SLC1A2: variants seen among roughly 807,000 people sequenced by gnomAD.
SLC1A2 encodes the protein solute carrier family 1 member 2.
Under a neutral mutation model 48.8 loss-of-function variants are expected in SLC1A2, and 15 were observed. That is an observed-to-expected ratio of 0.31 (90% confidence interval 0.21 to 0.47). The LOEUF is 0.47. SLC1A2 is among the 20% of genes least tolerant of loss of function. SLC1A2 has a pLI of 0.99. For synonymous variants in SLC1A2, 279 were observed against 272.6 expected, an observed-to-expected ratio of 1.02 and a Z score of -0.23; for missense variants, 502 against 730.5, an observed-to-expected ratio of 0.69 and a Z score of 3.61.
rs1490623090 is a variant in SLC1A2, at chr11:35,419,233, C to T, written c.-267G>A. The T allele has an allele frequency of 1.2e-5, 5 of 410,494 alleles. No individual in the cohort carries two copies. The highest frequency in any genetic ancestry group is 1.7e-5 in the Non-Finnish European group (4 of 233,260). 25.4% of individuals were successfully genotyped at this position (410,494 alleles called of 1,614,324 possible). ...GGGGATGGCGCTTGGCGGGGAGCTCCGGGGGCTCCGAGGGTGGCTTCCCCG... is the reference window on the plus strand; with the variant it reads ...GGGGATGGCGCTTGGCGGGGAGCTCTGGGGGCTCCGAGGGTGGCTTCCCCG... On this transcript the variant is annotated 5_prime_UTR_variant, in exon 1 of 11. Transcript: ENST00000278379. This position sits in a 1 kb window ranked among gnomAD's most constrained non-coding sequence, Gnocchi z 5.4.
At position 35,323,201 on chromosome 11, in the gene SLC1A2, C is replaced by T. The variant is rs561125107; in HGVS notation, c.18-5685G>A. 6.6e-5 allele frequency: 14 copies of T among 211,714 alleles called. No homozygotes were observed. In the East Asian group the frequency reaches 6.8e-4, roughly 10 times the overall value. The allele number at this position is 211,714 out of a possible 1,614,324, so 13.1% of individuals were successfully genotyped here. A position where few individuals can be genotyped will look rare whatever the true frequency, so the allele number is the denominator to read the frequency against. On this transcript the variant is annotated intron_variant, in intron 1 of 10. Transcript: ENST00000278379. ...TTTCTATAGCTTCTTCCAGTCCATT[C>T]GAGGGGCTGGTTAAAGAATACAGTG... is the stretch of plus-strand genomic sequence containing the variant.
intron 9 of SLC1A2, among the ~76,000 whole-genome samples, chr11:35,277,844 C>T (rs1850490826): frequency 6.6e-6 from 1 of 152,236 alleles, no homozygotes; most frequent in South Asian, 2.1e-4. Flanking sequence ...TGAGCTGCTA[C>T]TATTTGCTCT....
At chr11:35,339,052 C>T (rs976491743) in intron 1 of SLC1A2, among the ~76,000 whole-genome samples, 1 of 152,194 alleles carries the variant, frequency 6.6e-6, no homozygotes, top group Non-Finnish European at 1.5e-5. Context: ...TTGTTTTCTA[C>T]TTATGACTGT....
At chr11:35,314,785 C>CTTTTTTTTTTTTTTTT (rs5791048) in intron 3 of SLC1A2, among the ~76,000 whole-genome samples, 1 of 141,048 alleles carries the variant, frequency 7.1e-6, no homozygotes, top group Non-Finnish European at 1.5e-5. Context: ...CTTTTCTTTT[C>CTTTTTTTTTTTTTTTT]TTTTTTTTTT....
Position 35,378,655 on chromosome 11 carries a change from C to T in SLC1A2, c.17+40295G>A, listed in dbSNP as rs138077937. On this transcript the variant is annotated intron_variant, in intron 1 of 10. Coordinates refer to ENST00000278379, the MANE Select transcript of SLC1A2 (RefSeq NM_004171.4). ...AATAAGTCTGCCTGTAACTGAAGCTCTCAATTGGATTGATAAGTCTTGTGC... is the reference window on the plus strand; with the variant it reads ...AATAAGTCTGCCTGTAACTGAAGCTTTCAATTGGATTGATAAGTCTTGTGC... 8.9e-4 allele frequency among the ~76,000 whole-genome samples: 136 copies of T among 152,326 alleles called. 3 individuals are homozygous for T. The East Asian group carries it at 0.02, about 22-fold the overall frequency.
At position 35,384,376 on chromosome 11, in the gene SLC1A2, C is replaced by T. The variant is rs1327450254; in HGVS notation, c.17+34574G>A. ...TCCACGCAGGTTGCTCCTGGATTGT[C>T]TGAGTTCTGATTTCATCCTTTAATC... is the stretch of plus-strand genomic sequence containing the variant. On this transcript the variant is annotated intron_variant, in intron 1 of 10. Transcript: ENST00000278379. Among the ~76,000 whole-genome samples, 3 of 152,010 alleles carry T rather than the reference C, an allele frequency of 2.0e-5. No individual in the cohort carries two copies. In the South Asian group the frequency reaches 6.2e-4, roughly 31 times the overall value.
At chr11:35,303,055 C>T in intron 5 of SLC1A2, among the ~76,000 whole-genome samples, 1 of 151,826 alleles carries the variant, frequency 6.6e-6, no homozygotes, top group African/African-American at 2.4e-5. Flanking sequence ...CTCAATTTGG[C>T]AGTCCTAATT....
chr11:35,274,173 G>A (rs1197536599), intron 9 of SLC1A2, among the ~76,000 whole-genome samples: 1 of 152,238 alleles, frequency 6.6e-6, no homozygotes, highest in Non-Finnish European at 1.5e-5. Flanking sequence ...CGATGAAGGG[G>A]AGACGACTTC....
chr11:35,321,417 G>A (rs1273574975), intron 1 of SLC1A2, among the ~76,000 whole-genome samples: 1 of 152,118 alleles, frequency 6.6e-6, no homozygotes, highest in Non-Finnish European at 1.5e-5. Context: ...TAGAAGAAAT[G>A]AGGGGTTTCT....
intron 1 of SLC1A2, among the ~76,000 whole-genome samples, chr11:35,362,333 T>C (rs1018297050): frequency 6.6e-6 from 1 of 152,226 alleles, no homozygotes; most frequent in Non-Finnish European, 1.5e-5. Context: ...ACAGGAGATA[T>C]AACATCTGAG....
intron 1 of SLC1A2, among the ~76,000 whole-genome samples, chr11:35,369,691 T>A (rs949417130): frequency 6.6e-6 from 1 of 152,224 alleles, no homozygotes; most frequent in Non-Finnish European, 1.5e-5. Flanking sequence ...TTATTCTGAA[T>A]TTTTATTGAC....
intron 1 of SLC1A2, among the ~76,000 whole-genome samples, chr11:35,412,951 G>C (rs1855508164): frequency 6.7e-6 from 1 of 150,058 alleles, no homozygotes; most frequent in African/African-American, 2.4e-5. Flanking sequence ...CCAGACCAAA[G>C]TTAAAGAAAA....
intron 6 of SLC1A2, among the ~76,000 whole-genome samples, chr11:35,295,682 TTC>T (rs1851148641): frequency 6.6e-6 from 1 of 152,222 alleles, no homozygotes; most frequent in East Asian, 1.9e-4. Flanking sequence ...GCTGTTCCTG[TTC>T]TCTGTTTTCA....
chr11:35,369,885 A>G (rs776912638), intron 1 of SLC1A2, among the ~76,000 whole-genome samples: 8 of 152,228 alleles, frequency 5.3e-5, no homozygotes, highest in African/African-American at 1.2e-4. Flanking sequence ...ATCCCTAGCC[A>G]GTCAAGTAAG....
rs1850698650 is a variant in SLC1A2, at chr11:35,283,269, A to G, written c.1287-2268T>C. 2.0e-5 allele frequency among the ~76,000 whole-genome samples: 3 copies of G among 152,188 alleles called. No homozygotes were observed. In the South Asian group the frequency reaches 6.2e-4, roughly 32 times the overall value. On this transcript the variant is annotated intron_variant, in intron 8 of 10. Transcript: ENST00000278379. Reference sequence around the variant, plus strand: ...ATAAAAATGCTAAGAATTTCTAATCACTATTTTCCTACATGCAGTGAAAGG... The same window carrying G: ...ATAAAAATGCTAAGAATTTCTAATCGCTATTTTCCTACATGCAGTGAAAGG...
intron 1 of SLC1A2, among the ~76,000 whole-genome samples, chr11:35,317,866 C>A (rs1294702708): frequency 6.6e-6 from 1 of 152,212 alleles, no homozygotes; most frequent in African/African-American, 2.4e-5. Flanking sequence ...CCAGATAGGT[C>A]TGGCTCCAAA....
Position 35,260,867 on chromosome 11 carries a change from T to C in SLC1A2, c.*27A>G. On this transcript the variant is annotated 3_prime_UTR_variant, in exon 11 of 11. Coordinates refer to ENST00000278379, the MANE Select transcript of SLC1A2 (RefSeq NM_004171.4). ...ACCATAGGATACGCTGGGGAGTTTA[T>C]TCAAGAATTTGCTGAGACTCATATC... 1 of 1,528,522 alleles carries C rather than the reference T, an allele frequency of 6.5e-7. No homozygotes were observed. The highest frequency in any genetic ancestry group is 9.1e-7 in the Non-Finnish European group (1 of 1,101,814). 94.7% of individuals were successfully genotyped at this position (1,528,522 alleles called of 1,614,324 possible).
At chr11:35,344,305 G>C (rs894304058) in intron 1 of SLC1A2, among the ~76,000 whole-genome samples, 3 of 152,172 alleles carry the variant, frequency 2.0e-5, no homozygotes, top group Non-Finnish European at 4.4e-5. Flanking sequence ...TTAATATAAG[G>C]TGGTCAGGAG....
intron 9 of SLC1A2, among the ~76,000 whole-genome samples, chr11:35,277,967 AC>A (rs909555665): frequency 6.6e-6 from 1 of 151,960 alleles, no homozygotes; most frequent in African/African-American, 2.4e-5. Flanking sequence ...TCTCACCCAT[AC>A]ACCACCATTG....
Sources: gnomAD v4.1 joint callset for allele counts (sites outside exome capture counted in the v4.1 genomes callset) on GRCh38, gnomAD v4.1.1 for gene constraint, Gnocchi (gnomAD v3.1) non-coding constraint, MANE v1.5 for transcripts, NCBI Gene and HGNC (gene_info 2026-07-23, HGNC 2026-07-21) for gene names.